WDPCP: variants seen among roughly 807,000 people sequenced by gnomAD.
WDPCP encodes WD repeat-containing and planar cell polarity effector protein fritz homolog.
A neutral mutation model predicts 93.1 loss-of-function variants in WDPCP; 71 were observed. The observed-to-expected ratio is 0.76, with a 90% CI of 0.63 to 0.93. The LOEUF is 0.93. Among genes scored for constraint, WDPCP ranks in the 40% least tolerant of loss-of-function variants. WDPCP has a pLI of 0.00. For missense variants in WDPCP, 844 were observed against 887.4 expected (o/e 0.95, Z 0.62); for synonymous variants, 315 against 315.0 (o/e 1.00, Z 0.00).
chr2:63,744,883 TTAAATA>T (rs1171305388), intron 2 of WDPCP, among the ~76,000 whole-genome samples: 3 of 152,118 alleles, frequency 2.0e-5, no homozygotes, highest in Non-Finnish European at 2.9e-5. Context: ...AATTTCATCA[TTAAATA>T]TATTCTTTCA....
rs918073356 is a variant in WDPCP, at chr2:63,771,457, C to T, written n.308+42165G>A. Among the ~76,000 whole-genome samples the T allele has an allele frequency of 4.0e-5, 6 of 151,790 alleles. 1 individual carries two copies. Among genetic ancestry groups the T allele is most frequent in the Admixed American group, 1.3e-4 (2 of 15,198 alleles). The stretch of plus-strand genomic sequence containing the variant: ...AGATGACTTTGTCAGTGAATTCTAC[C>T]GAACAATTAAAGAATAAATAACACC... On this transcript the variant is annotated intron_variant and non_coding_transcript_variant, in intron 2 of 4. Transcript: ENST00000467687.
chr2:63,349,491 T>C (rs1264154468), intron 12 of WDPCP, among the ~76,000 whole-genome samples: 1 of 152,102 alleles, frequency 6.6e-6, no homozygotes, highest in Non-Finnish European at 1.5e-5. Flanking sequence ...TCTTTCTATA[T>C]GAATTATTTT....
At chr2:63,590,839 C>T (rs1448747569), upstream of WDPCP, 2 of 152,176 alleles carry the variant, frequency 1.3e-5, no homozygotes, top group East Asian at 3.9e-4. Flanking sequence ...CCTGCCCCCT[C>T]AGGAGGGTGT....
chr2:63,609,488 C>T (rs866369689), intron 3 of WDPCP, among the ~76,000 whole-genome samples: 1 of 152,090 alleles, frequency 6.6e-6, no homozygotes. Flanking sequence ...CTATCATTAC[C>T]TTCTATCCAC....
At chr2:63,618,260 T>A (rs1156694587) in intron 3 of WDPCP, among the ~76,000 whole-genome samples, 6 of 152,192 alleles carry the variant, frequency 3.9e-5, no homozygotes, top group African/African-American at 1.4e-4. Flanking sequence ...CAGAGTGGAA[T>A]GAAGAACTGG....
chr2:63,669,280 G>A (rs185384609), intron 2 of WDPCP, among the ~76,000 whole-genome samples: 2 of 152,216 alleles, frequency 1.3e-5, no homozygotes, highest in African/African-American at 2.4e-5. Flanking sequence ...GTAGTAAAAT[G>A]TCTAAGCACA....
chr2:63,387,442 T>C (rs1225256258), intron 10 of WDPCP, among the ~76,000 whole-genome samples: 1 of 151,236 alleles, frequency 6.6e-6, no homozygotes, highest in African/African-American at 2.4e-5. Context: ...CGCTTCATGT[T>C]AAAAAAAAGA....
intron 6 of WDPCP, chr2:63,441,485 C>T (rs1431583998): frequency 2.6e-5 from 4 of 152,076 alleles, no homozygotes; most frequent in Non-Finnish European, 5.9e-5. Context: ...TTAAGCACTT[C>T]TTTTCCTAAT....
chr2:63,668,539 A>G (rs1348805), intron 2 of WDPCP, among the ~76,000 whole-genome samples: 121,783 of 151,906 alleles, frequency 0.8, 49,239 homozygotes, highest in East Asian at 0.98. Flanking sequence ...GGTACTGACC[A>G]AAAGTGTGAA....
chr2:63,787,016 G>T (rs138947773), intron 2 of WDPCP, among the ~76,000 whole-genome samples: 20 of 152,136 alleles, frequency 1.3e-4, no homozygotes, highest in African/African-American at 4.6e-4. Flanking sequence ...TTTCTAGAAG[G>T]TTCTTACATT....
At chr2:63,373,659 T>G (rs1691600877) in intron 12 of WDPCP, among the ~76,000 whole-genome samples, 1 of 151,934 alleles carries the variant, frequency 6.6e-6, no homozygotes, top group Non-Finnish European at 1.5e-5. Flanking sequence ...ATTGCTAGTA[T>G]CTCATTGTGT....
chr2:63,487,362 T>G, intron 3 of WDPCP, 85 bp downstream of exon 3: 6 of 976,788 alleles, frequency 6.1e-6, no homozygotes, highest in Non-Finnish European at 9.4e-6. Flanking sequence ...CTAAAGCTCA[T>G]GAGAAGAGAG....
At chr2:63,208,165 C>T (rs898393985) in intron 14 of WDPCP, among the ~76,000 whole-genome samples, 2 of 152,076 alleles carry the variant, frequency 1.3e-5, no homozygotes, top group African/African-American at 2.4e-5. Context: ...GGTCAATTCT[C>T]ATCTATTTGT....
intron 6 of WDPCP, chr2:63,441,310 A>C (rs1182558960): frequency 6.6e-6 from 1 of 152,084 alleles, no homozygotes; most frequent in Non-Finnish European, 1.5e-5. Flanking sequence ...GAATCCCCCC[A>C]TAGCAACACA....
intron 1 of WDPCP, among the ~76,000 whole-genome samples, chr2:63,543,822 T>C (rs951162265): frequency 1.3e-5 from 2 of 152,092 alleles, no homozygotes; most frequent in South Asian, 2.1e-4. Flanking sequence ...TAATTTGAAA[T>C]AGTAGAAGGT....
intron 13 of WDPCP, among the ~76,000 whole-genome samples, chr2:63,266,009 A>G (rs1276993195): frequency 2.0e-5 from 3 of 152,192 alleles, no homozygotes; most frequent in African/African-American, 7.2e-5. Context: ...ATATACCTCA[A>G]CACAATAAAG....
At position 63,191,480 on chromosome 2, in the gene WDPCP, G is replaced by A. The variant is rs186717056; in HGVS notation, c.1916-16648C>T. Among the ~76,000 whole-genome samples, 192 of 152,250 alleles carry A rather than the reference G, an allele frequency of 1.3e-3. 1 individual carries two copies. Among genetic ancestry groups the A allele is most frequent in the Middle Eastern group, 6.8e-3 (2 of 292 alleles). ...AGCTACCCTAATTCATAAAAAAATG[G>A]AGGGATTTAGCATAAAAATCCAGTG... On this transcript the variant is annotated intron_variant, in intron 14 of 17. Coordinates refer to ENST00000272321, the MANE Select transcript of WDPCP (RefSeq NM_015910.7).
At chr2:63,340,415 A>G (rs894888297) in intron 12 of WDPCP, among the ~76,000 whole-genome samples, 1 of 152,200 alleles carries the variant, frequency 6.6e-6, no homozygotes, top group Admixed American at 6.5e-5. Context: ...GTTCCAGAGC[A>G]GAGTTTCCAG....
At chr2:63,791,291 C>T (rs547404720) in intron 2 of WDPCP, among the ~76,000 whole-genome samples, 1 of 152,298 alleles carries the variant, frequency 6.6e-6, no homozygotes, top group South Asian at 2.1e-4. Context: ...AGGATGACCA[C>T]ATATTAGTCC....
Sources: allele counts gnomAD v4.1 joint callset (sites outside exome capture counted in the v4.1 genomes callset), GRCh38; gene constraint gnomAD v4.1.1; transcripts MANE v1.5; gene names NCBI Gene and HGNC (gene_info 2026-07-23, HGNC 2026-07-21).